Variants in SKAP1 observed in about 807,000 individuals in gnomAD.
The protein encoded by SKAP1 is src kinase associated phosphoprotein 1, also known as src kinase-associated phosphoprotein 1.
In SKAP1, 44 loss-of-function variants were observed where a neutral mutation model predicts 58.5. The ratio of observed to expected loss-of-function variants is 0.75; its 90% CI spans 0.59 to 0.97. SKAP1 has a LOEUF of 0.97. SKAP1 is among the 50% of genes least tolerant of loss of function. The pLI is 0.00. For missense variants in SKAP1, 390 were observed against 435.2 expected (o/e 0.90, Z 0.92); for synonymous variants, 127 against 149.7 (o/e 0.85, Z 1.11).
Position 48,396,761 on chromosome 17 carries a change from C to T in SKAP1, c.71G>A (p.Gly24Asp), listed in dbSNP as rs748506982. Residue 24 changes from glycine (G) to aspartate (D), a missense_variant, in exon 2 of 13, where the codon GGT (glycine) becomes GAT (aspartate). Physicochemically the swap from Gly to Asp is moderately conservative, Grantham distance 94. Coordinates refer to ENST00000336915, the MANE Select transcript of SKAP1 (RefSeq NM_003726.4). ...LEDAEEFLAE[G>D]LRNENLSAVA... ...AGCGCTGAGGTTCTCATTCCGCAAA[C>T]CTTCTGCCAGAAACTCTTCAGCATC... 1.2e-6 allele frequency: 2 copies of T among 1,613,344 alleles called. No individual in the cohort carries two copies. The highest frequency in any genetic ancestry group is 3.3e-5 in the Admixed American group (2 of 59,988).
At chr17:48,283,926 T>C (rs957890021) in intron 4 of SKAP1, among the ~76,000 whole-genome samples, 4 of 152,226 alleles carry the variant, frequency 2.6e-5, no homozygotes, top group African/African-American at 9.6e-5. Flanking sequence ...TGGAACACCA[T>C]GATTACTCAG....
At chr17:48,225,622 G>T (rs771566306) in intron 4 of SKAP1, among the ~76,000 whole-genome samples, 15 of 152,030 alleles carry the variant, frequency 9.9e-5, no homozygotes, top group Non-Finnish European at 1.6e-4. Context: ...AGATGCCCAT[G>T]GAAAAAAGCT....
chr17:48,170,059 A>T (rs2064188143), intron 10 of SKAP1, among the ~76,000 whole-genome samples: 1 of 152,222 alleles, frequency 6.6e-6, no homozygotes, highest in South Asian at 2.1e-4. Context: ...ACAGTCTGGG[A>T]TGAATAAGAT....
intron 2 of SKAP1, among the ~76,000 whole-genome samples, chr17:48,383,532 A>C (rs71377361): frequency 0.02 from 3,119 of 152,178 alleles, 124 homozygotes; most frequent in African/African-American, 0.072. Flanking sequence ...TTTCATTTTC[A>C]TGTGTATGTA....
At chr17:48,375,751 G>C (rs929874367) in intron 2 of SKAP1, among the ~76,000 whole-genome samples, 2 of 152,124 alleles carry the variant, frequency 1.3e-5, no homozygotes, top group Admixed American at 1.3e-4. Flanking sequence ...GAGTTGGAGG[G>C]TTTTTTTCTG....
intron 4 of SKAP1, among the ~76,000 whole-genome samples, chr17:48,297,920 G>A (rs935351725): frequency 2.6e-5 from 4 of 152,088 alleles, no homozygotes; most frequent in Non-Finnish European, 2.9e-5. Context: ...TAATATAAGC[G>A]GGAAAAGGTC....
chr17:48,345,689 A>G (rs1200867192), intron 4 of SKAP1, among the ~76,000 whole-genome samples: 1 of 152,236 alleles, frequency 6.6e-6, no homozygotes, highest in Non-Finnish European at 1.5e-5. Flanking sequence ...ATATGGAATT[A>G]GTGTCTCCCT....
At chr17:48,143,477 G>T (rs998742888) in intron 11 of SKAP1, among the ~76,000 whole-genome samples, 3 of 151,994 alleles carry the variant, frequency 2.0e-5, no homozygotes, top group Admixed American at 6.6e-5. Context: ...CTCCCAAAGT[G>T]CTGGGATTAT....
At chr17:48,180,785 A>T (rs2064357709) in intron 8 of SKAP1, among the ~76,000 whole-genome samples, 1 of 152,210 alleles carries the variant, frequency 6.6e-6, no homozygotes, top group Non-Finnish European at 1.5e-5. Context: ...GATAAAAAGA[A>T]ACGGGGTATG....
At chr17:48,307,647 T>A (rs1208729359) in intron 4 of SKAP1, 4 of 152,266 alleles carry the variant, frequency 2.6e-5, no homozygotes, top group Non-Finnish European at 5.9e-5. Context: ...TTCTGTGCTT[T>A]AGAAAACAAC....
At chr17:48,162,352 T>C in intron 11 of SKAP1, 117 bp downstream of exon 11, 1 of 568,174 alleles carries the variant, frequency 1.8e-6, no homozygotes, top group Non-Finnish European at 3.0e-6. Context: ...TAAATGGGAA[T>C]TTATATTGTG....
At chr17:48,224,913 T>C (rs1358464124) in intron 4 of SKAP1, among the ~76,000 whole-genome samples, 1 of 152,196 alleles carries the variant, frequency 6.6e-6, no homozygotes, top group Non-Finnish European at 1.5e-5. Context: ...ATATATTTAA[T>C]GAAGTTTTGC....
chr17:48,284,658 A>G (rs1281723855), intron 4 of SKAP1, among the ~76,000 whole-genome samples: 3 of 152,310 alleles, frequency 2.0e-5, no homozygotes, highest in South Asian at 4.1e-4. Context: ...GGATCTATAC[A>G]TCTTTGACAA....
chr17:48,134,671 A>T (rs2063676773), intron 12 of SKAP1, among the ~76,000 whole-genome samples: 1 of 152,136 alleles, frequency 6.6e-6, no homozygotes, highest in Non-Finnish European at 1.5e-5. Context: ...AGATAAACAA[A>T]TAAATGACAG....
chr17:48,251,608 G>A (rs2036520), intron 4 of SKAP1, among the ~76,000 whole-genome samples: 16,162 of 152,098 alleles, frequency 0.11, 899 homozygotes, highest in East Asian at 0.2. Flanking sequence ...AGATATCCTA[G>A]TGATTTAAAA....
intron 9 of SKAP1, among the ~76,000 whole-genome samples, chr17:48,179,569 G>A (rs1373582743): frequency 6.6e-6 from 1 of 152,160 alleles, no homozygotes; most frequent in African/African-American, 2.4e-5. Flanking sequence ...ATAATGAGTT[G>A]TTCTCTATCA....
intron 11 of SKAP1, among the ~76,000 whole-genome samples, chr17:48,138,896 T>TC (rs2063735556): frequency 6.6e-6 from 1 of 151,034 alleles, no homozygotes; most frequent in Non-Finnish European, 1.5e-5. Flanking sequence ...AAAAAAAAAT[T>TC]TTTTTTTTTT....
intron 2 of SKAP1, among the ~76,000 whole-genome samples, chr17:48,389,433 C>T (rs954743604): frequency 6.6e-6 from 1 of 152,294 alleles, no homozygotes; most frequent in East Asian, 1.9e-4. Context: ...ACGCCTGGGG[C>T]GATAGGCTGA....
chr17:48,163,248 G>C (rs977327677), intron 10 of SKAP1, among the ~76,000 whole-genome samples: 3 of 152,170 alleles, frequency 2.0e-5, no homozygotes, highest in African/African-American at 7.2e-5. Flanking sequence ...AGATTTATCT[G>C]CAAGCCCCAG....
Sources: gnomAD v4.1 joint callset for allele counts (sites outside exome capture counted in the v4.1 genomes callset) on GRCh38, gnomAD v4.1.1 for gene constraint, MANE v1.5 for transcripts, NCBI Gene and HGNC (gene_info 2026-07-23, HGNC 2026-07-21) for gene names.